Variants in MBD2 observed in about 807,000 individuals in gnomAD.
MBD2 encodes methyl-CpG-binding domain protein 2.
In MBD2, 9 loss-of-function variants were observed where a neutral mutation model predicts 39.3. That is an observed-to-expected ratio of 0.23 (90% confidence interval 0.14 to 0.40). MBD2 has a LOEUF of 0.40. Ranked by LOEUF, MBD2 falls within the 10% of genes least tolerant of loss-of-function variation. MBD2 has a pLI of 1.00. For missense variants in MBD2, 458 were observed against 532.6 expected (o/e 0.86, Z 1.38); for synonymous variants, 233 against 211.1 (o/e 1.10, Z -0.90).
intron 2 of MBD2, 67 bp from the exon 3 acceptor site, chr18:54,189,078 A>C: frequency 9.6e-7 from 1 of 1,038,554 alleles, no homozygotes; most frequent in Non-Finnish European, 1.4e-6. Flanking sequence ...CTTCCTACTA[A>C]TTCAATATCT....
chr18:54,162,559 TA>T (rs1448597403), intron 5 of MBD2, among the ~76,000 whole-genome samples: 1 of 152,222 alleles, frequency 6.6e-6, no homozygotes, highest in Non-Finnish European at 1.5e-5. Context: ...TTTCCTCAAC[TA>T]TCAAAAGAAC....
At chr18:54,218,225 T>G (rs1346956551) in intron 1 of MBD2, among the ~76,000 whole-genome samples, 1 of 152,216 alleles carries the variant, frequency 6.6e-6, no homozygotes, top group Non-Finnish European at 1.5e-5. Flanking sequence ...AGAGAATATT[T>G]CTGAACAAAT....
At chr18:54,192,761 A>G (rs986319428) in intron 2 of MBD2, among the ~76,000 whole-genome samples, 2 of 152,178 alleles carry the variant, frequency 1.3e-5, no homozygotes, top group African/African-American at 4.8e-5. Context: ...GAACAGGTCA[A>G]ACTATTGATG....
At position 54,152,493 on chromosome 18, in the gene MBD2, G is replaced by C. The variant is rs138056996; in HGVS notation, c.*2831C>G. 1 of 151,734 alleles carries C rather than the reference G, an allele frequency of 6.6e-6. No individual in the cohort carries two copies. The highest frequency in any genetic ancestry group is 2.1e-4 in the South Asian group (1 of 4,818). 9.4% of individuals were successfully genotyped at this position (151,734 alleles called of 1,614,324 possible). ...GTGCCAGTCACTCAGCTAAGTGCTGGGGCTGTAACGGGAAATCAGACAAAC... is the reference window on the plus strand; with the variant it reads ...GTGCCAGTCACTCAGCTAAGTGCTGCGGCTGTAACGGGAAATCAGACAAAC... On this transcript the variant is annotated 3_prime_UTR_variant, in exon 7 of 7. Transcript: ENST00000256429.
intron 2 of MBD2, among the ~76,000 whole-genome samples, chr18:54,201,541 T>C (rs9807692): frequency 0.036 from 5,435 of 152,108 alleles, 132 homozygotes; most frequent in Non-Finnish European, 0.046. Context: ...CTAAAATAAT[T>C]AAAAACCACT....
intron 2 of MBD2, among the ~76,000 whole-genome samples, chr18:54,198,443 T>C (rs750837964): frequency 2.0e-5 from 3 of 152,184 alleles, no homozygotes; most frequent in Non-Finnish European, 4.4e-5. Flanking sequence ...GGCTGGATGC[T>C]GTGGCTCACG....
At position 54,189,087 on chromosome 18, in the gene MBD2, C is replaced by T; in HGVS notation, c.703-76G>A. 3.1e-6 allele frequency: 3 copies of T among 956,454 alleles called. No individual in the cohort carries two copies. In the South Asian group the frequency reaches 6.9e-5, roughly 22 times the overall value. 59.2% of individuals were successfully genotyped at this position (956,454 alleles called of 1,614,324 possible). On this transcript the variant is annotated intron_variant, in intron 2 of 6. Transcript: ENST00000256429. Reference sequence around the variant, plus strand: ...AGATGACTTCCTACTAATTCAATATCTATTACTTTAAATCAAATTATTCCA... The same window carrying T: ...AGATGACTTCCTACTAATTCAATATTTATTACTTTAAATCAAATTATTCCA...
rs2086644862 is a variant in MBD2 at position 54,224,428 on chromosome 18, G to C, written c.132C>G (p.Ser44=). 2 of 1,242,338 alleles carry C rather than the reference G, an allele frequency of 1.6e-6. No individual in the cohort carries two copies. Among genetic ancestry groups the C allele is most frequent in the Admixed American group, 4.2e-5 (1 of 23,830 alleles). 77.0% of individuals were successfully genotyped at this position (1,242,338 alleles called of 1,614,324 possible). A position where few individuals can be genotyped will look rare whatever the true frequency, so the allele number is the denominator to read the frequency against. Residue 44 remains serine (S), a synonymous_variant, in exon 1 of 7, where the codon TCC becomes TCG. Transcript: ENST00000256429. ...CTTCCCTGCGCACGCCGCTCACCGG[G>C]GACGGGGCGAGCGCGCTGCCCTGGC... is the stretch of plus-strand genomic sequence containing the variant. ...QGGQGSALAP[S]PVSGVRREGA... is the part of the protein sequence containing the mutation.
intron 1 of MBD2, among the ~76,000 whole-genome samples, chr18:54,217,393 T>C (rs991741184): frequency 2.0e-5 from 3 of 152,174 alleles, no homozygotes; most frequent in Non-Finnish European, 4.4e-5. Flanking sequence ...GAAGTTCTGA[T>C]AAAATTAAGT....
chr18:54,161,046 A>G (rs923983305), intron 5 of MBD2, among the ~76,000 whole-genome samples: 1 of 152,218 alleles, frequency 6.6e-6, no homozygotes, highest in Non-Finnish European at 1.5e-5. Context: ...AAACTGGGAC[A>G]GCAGAGAGGT....
chr18:54,204,938 G>A (rs140691), intron 2 of MBD2, 60 bp downstream of exon 2: 508,988 of 1,514,974 alleles, frequency 0.34, 91,293 homozygotes, highest in East Asian at 0.61. Context: ...ATTATGATGT[G>A]AGATACTTTT....
chr18:54,156,316 A>G (rs9956656), intron 6 of MBD2, among the ~76,000 whole-genome samples: 51,808 of 152,106 alleles, frequency 0.34, 9,719 homozygotes, highest in East Asian at 0.43. Flanking sequence ...CAAGTTGGGA[A>G]GATAACATAA....
At chr18:54,198,641 G>A (rs1181415555) in intron 2 of MBD2, among the ~76,000 whole-genome samples, 1 of 152,230 alleles carries the variant, frequency 6.6e-6, no homozygotes, top group Non-Finnish European at 1.5e-5. Context: ...CCTGAGCCCA[G>A]GTCAAGGCTG....
intron 6 of MBD2, among the ~76,000 whole-genome samples, chr18:54,159,346 C>T (rs952151241): frequency 6.6e-6 from 1 of 152,062 alleles, no homozygotes; most frequent in South Asian, 2.1e-4. Context: ...CATGCAGAAC[C>T]CGAGCAGAGG....
Position 54,192,380 on chromosome 18 carries a change from G to A in MBD2, c.703-3369C>T, listed in dbSNP as rs568235882. 5.3e-5 allele frequency among the ~76,000 whole-genome samples: 8 copies of A among 152,068 alleles called. No individual in the cohort carries two copies. The East Asian group carries it at 5.8e-4, about 11-fold the overall frequency. On this transcript the variant is annotated intron_variant, in intron 2 of 6. Coordinates refer to ENST00000256429, the MANE Select transcript of MBD2 (RefSeq NM_003927.5). Reference sequence around the variant, plus strand: ...CCTGAGTAGCTGGGACTACAGGCACGCACCACCACACCCAGCTAATTTTTT... The same window carrying A: ...CCTGAGTAGCTGGGACTACAGGCACACACCACCACACCCAGCTAATTTTTT...
chr18:54,205,180 G>A, intron 1 of MBD2, 23 bp from the exon 2 acceptor site: 1 of 1,606,192 alleles, frequency 6.2e-7, no homozygotes, highest in Non-Finnish European at 8.5e-7. Context: ...AAGGTTAATT[G>A]AACAAAAGGC....
At position 54,221,328 on chromosome 18, in the gene MBD2, G is replaced by A. The variant is rs192621932; in HGVS notation, c.542+2690C>T. On this transcript the variant is annotated intron_variant, in intron 1 of 6. Transcript: ENST00000256429. ...AAAAAATTAGCTGGGCGTGGTGGTG[G>A]GCACCTGTAGTCCCAGCTACTCGGG... Among the ~76,000 whole-genome samples, 607 of 151,888 alleles carry A rather than the reference G, an allele frequency of 4.0e-3. 4 individuals carry two copies. The highest frequency in any genetic ancestry group is 0.01 in the Middle Eastern group (3 of 294).
At chr18:54,183,124 T>C (rs751380782) in intron 3 of MBD2, among the ~76,000 whole-genome samples, 1 of 152,192 alleles carries the variant, frequency 6.6e-6, no homozygotes, top group Non-Finnish European at 1.5e-5. Context: ...AAGCGGACAG[T>C]GGTCCTTTCA....
chr18:54,205,969 C>T (rs1352694189), intron 1 of MBD2, among the ~76,000 whole-genome samples: 1 of 151,842 alleles, frequency 6.6e-6, no homozygotes, highest in African/African-American at 2.4e-5. Context: ...CACACACACA[C>T]ACACACACAC....
Sources: gnomAD v4.1 joint callset for allele counts (sites outside exome capture counted in the v4.1 genomes callset) on GRCh38, gnomAD v4.1.1 for gene constraint, MANE v1.5 for transcripts, NCBI Gene and HGNC (gene_info 2026-07-23, HGNC 2026-07-21) for gene names.